Variants in METTL2A observed in about 807,000 individuals in gnomAD.
METTL2A encodes methyltransferase 2A, tRNA N3-cytidine, also known as tRNA N(3)-cytidine methyltransferase METTL2A.
A neutral mutation model predicts 49.4 loss-of-function variants in METTL2A; 45 were observed. The observed-to-expected ratio is 0.91, with a 90% CI of 0.72 to 1.17. The LOEUF (loss-of-function observed/expected upper bound fraction) is 1.17, where lower values mean the gene tolerates loss of function less well. METTL2A is among the 50% of genes most tolerant of loss of function. The probability of loss-of-function intolerance (pLI) is 0.00; values close to 1 mark genes in which losing one functional copy is unlikely to be tolerated. For synonymous variants in METTL2A, 118 were observed against 167.5 expected (o/e 0.70, Z 2.28); for missense variants, 361 against 462.2 (o/e 0.78, Z 2.01).
rs879457766 is a variant in METTL2A at position 62,449,485 on chromosome 17, C to A, written c.*756C>A. 2 of 428,998 alleles carry A rather than the reference C, an allele frequency of 4.7e-6. No homozygotes were observed. Among genetic ancestry groups the A allele is most frequent in the African/African-American group, 4.2e-5 (2 of 48,142 alleles). The allele number at this position is 428,998 out of a possible 1,614,324, so 26.6% of individuals were successfully genotyped here. On this transcript the variant is annotated 3_prime_UTR_variant, in exon 9 of 9. Coordinates refer to ENST00000311506, the MANE Select transcript of METTL2A (RefSeq NM_181725.4). Reference sequence around the variant, plus strand: ...CAGCACTTTGGGAGGCCAAGGCGGGCGGATCAGCTGAGGTCAGGAGTTGGA... The same window carrying A: ...CAGCACTTTGGGAGGCCAAGGCGGGAGGATCAGCTGAGGTCAGGAGTTGGA...
At chr17:62,432,787 G>C (rs2070674829) in intron 4 of METTL2A, among the ~76,000 whole-genome samples, 1 of 148,778 alleles carries the variant, frequency 6.7e-6, no homozygotes, top group African/African-American at 2.6e-5. Context: ...GGGTGACAGA[G>C]TGAGACTCCG....
At chr17:62,444,322 C>T (rs1000553319) in intron 6 of METTL2A, among the ~76,000 whole-genome samples, 3 of 152,234 alleles carry the variant, frequency 2.0e-5, no homozygotes, top group African/African-American at 7.2e-5. Flanking sequence ...CTCTGCGGCC[C>T]AGGCCGGAGG....
At chr17:62,445,137 C>T (rs963509152) in intron 7 of METTL2A, among the ~76,000 whole-genome samples, 194 bp downstream of exon 7, 3 of 144,622 alleles carry the variant, frequency 2.1e-5, no homozygotes, top group African/African-American at 7.8e-5. Context: ...ACACTGGGGT[C>T]TGTCTGGGGG....
At position 62,433,434 on chromosome 17, in the gene METTL2A, A is replaced by C. The variant is rs1158619306; in HGVS notation, c.609-1798A>C. On this transcript the variant is annotated intron_variant, in intron 4 of 8. Transcript: ENST00000311506. ...GGTGACAAAAGCAAAACTCCATCTC[A>C]AAAAAAAAAGAAAAGCACAAAGAGG... 3.4e-5 allele frequency among the ~76,000 whole-genome samples: 5 copies of C among 147,804 alleles called. No individual in the cohort carries two copies. In the Admixed American group the frequency reaches 3.4e-4, roughly 10 times the overall value.
At position 62,423,944 on chromosome 17, in the gene METTL2A, C is replaced by G. The variant is rs779857145; in HGVS notation, c.42C>G (p.Ala14=). 2.6e-5 allele frequency: 42 copies of G among 1,613,802 alleles called. No individual in the cohort carries two copies. The Middle Eastern group carries it at 6.6e-4, about 25-fold the overall frequency. The stretch of plus-strand genomic sequence containing the variant: ...CTGAAGGTGCACCTGCAGTCCTCGC[C>G]GATAAGAGGCAGCAGTTCGGAAGCC... The part of the protein sequence containing the change: ...SYPEGAPAVL[A]DKRQQFGSRF... Residue 14 remains alanine, a synonymous_variant, in exon 1 of 9, where the codon GCC becomes GCG. Transcript: ENST00000311506.
At chr17:62,447,648 G>A (rs1036256115) in intron 7 of METTL2A, 53 bp from the exon 8 acceptor site, 14 of 1,600,490 alleles carry the variant, frequency 8.7e-6, no homozygotes, top group East Asian at 2.2e-5. Flanking sequence ...TTAGCAATGC[G>A]AGTCAAAGAA....
At chr17:62,447,156 T>C (rs928678113) in intron 7 of METTL2A, among the ~76,000 whole-genome samples, 2 of 152,108 alleles carry the variant, frequency 1.3e-5, no homozygotes, top group Non-Finnish European at 2.9e-5. Context: ...CGGTGGCTCA[T>C]GCCTTTAATC....
intron 4 of METTL2A, 103 bp downstream of exon 4, chr17:62,427,940 G>A (rs1265508057): frequency 2.5e-6 from 3 of 1,201,068 alleles, no homozygotes; most frequent in Non-Finnish European, 3.5e-6. Flanking sequence ...GGAGGCCAAA[G>A]CAGGATTGCT....
intron 5 of METTL2A, 119 bp from the exon 6 acceptor site, chr17:62,440,497 AG>A (rs747809359): frequency 5.0e-6 from 7 of 1,392,124 alleles, no homozygotes; most frequent in Non-Finnish European, 6.7e-6. Context: ...AAAAGAAAAA[AG>A]AAATATATCC....
chr17:62,438,037 G>T (rs1270077255), intron 5 of METTL2A, among the ~76,000 whole-genome samples: 1 of 151,596 alleles, frequency 6.6e-6, no homozygotes, highest in Non-Finnish European at 1.5e-5. Flanking sequence ...GGAGGCTGAG[G>T]TGGGCAGATC....
rs2070785824 is a variant in METTL2A at position 62,448,740 on chromosome 17, C to A, written c.*11C>A. 1 of 1,613,198 alleles carries A rather than the reference C, an allele frequency of 6.2e-7. No homozygotes were observed. On this transcript the variant is annotated 3_prime_UTR_variant, in exon 9 of 9. Transcript: ENST00000311506. ...TCCAGCACCAGCTGAGAGGCACCTG[C>A]TGCCAACACGATGCAAGCCCATTGT...
chr17:62,448,684 G>T lies in METTL2A; in HGVS notation c.1092G>T (p.Trp364Cys), dbSNP rs781133580. ...RGKQLTMYRV[W>C]IQCKYCKPLL... ...AGCAACTGACAATGTACCGGGTTTG[G>T]ATTCAGTGCAAATACTGCAAGCCCC... The change falls in exon 9 of 9, where the codon TGG becomes TGT. Residue 364 changes from tryptophan (W) to cysteine (C), a missense_variant. This residue lies in a region of METTL2A where 183 missense variants were observed against 216.5 expected (regional missense o/e 0.85). Coordinates refer to ENST00000311506, the MANE Select transcript of METTL2A (RefSeq NM_181725.4). The T allele has an allele frequency of 9.3e-6, 15 of 1,614,048 alleles. No individual in the cohort carries two copies. The highest frequency in any genetic ancestry group is 1.6e-4 in the Middle Eastern group (1 of 6,084).
In METTL2A at chr17:62,448,853, G is replaced by A; in HGVS notation, c.*124G>A. ...GCCACTCAGGAGGCTGAGGCGGGGA[G>A]GATCCATTGAGCCCAGCAGTCCAAC... On this transcript the variant is annotated 3_prime_UTR_variant, in exon 9 of 9. Transcript: ENST00000311506. 6.8e-7 allele frequency: 1 copy of A among 1,472,982 alleles called. No homozygotes were observed. Among genetic ancestry groups the A allele is most frequent in the Non-Finnish European group, 9.1e-7 (1 of 1,104,292 alleles). 91.2% of individuals were successfully genotyped at this position (1,472,982 alleles called of 1,614,324 possible).
intron 8 of METTL2A, 88 bp from the exon 9 acceptor site, chr17:62,448,487 C>T: frequency 6.5e-7 from 1 of 1,532,816 alleles, no homozygotes. Context: ...AGCAACTTCC[C>T]AGAGCCCCTT....
At chr17:62,425,954 T>C (rs2070622271) in intron 2 of METTL2A, among the ~76,000 whole-genome samples, 1 of 150,768 alleles carries the variant, frequency 6.6e-6, no homozygotes, top group African/African-American at 2.4e-5. Context: ...TGAGCCAAGA[T>C]TGCGCCCCTG....
At chr17:62,448,164 C>T (rs2070781444) in intron 8 of METTL2A, among the ~76,000 whole-genome samples, 1 of 152,212 alleles carries the variant, frequency 6.6e-6, no homozygotes, top group South Asian at 2.1e-4. Flanking sequence ...TGCAACTGGC[C>T]TATCCACAGG....
chr17:62,432,570 C>T (rs1430409987), intron 4 of METTL2A, among the ~76,000 whole-genome samples: 5 of 152,054 alleles, frequency 3.3e-5, no homozygotes, highest in East Asian at 3.9e-4. Flanking sequence ...GAGGCCAAGA[C>T]GGGCAGATCA....
intron 6 of METTL2A, among the ~76,000 whole-genome samples, chr17:62,443,285 A>G (rs1296808308): frequency 6.6e-6 from 1 of 152,196 alleles, no homozygotes; most frequent in Non-Finnish European, 1.5e-5. Context: ...AGGCAGGAGT[A>G]TGGCTTAAGC....
At chr17:62,429,486 T>G (rs375399680) in intron 4 of METTL2A, among the ~76,000 whole-genome samples, 2 of 151,942 alleles carry the variant, frequency 1.3e-5, no homozygotes, top group African/African-American at 4.8e-5. Context: ...AGACAGGGTT[T>G]CACCACATTG....
Sources: allele counts gnomAD v4.1 joint callset (sites outside exome capture counted in the v4.1 genomes callset), GRCh38; gene constraint gnomAD v4.1.1; regional missense constraint gnomAD v4.1.1; transcripts MANE v1.5; gene names NCBI Gene and HGNC (gene_info 2026-07-23, HGNC 2026-07-21).